Variants in SLC1A3 observed in about 807,000 individuals in gnomAD.
SLC1A3 encodes the protein excitatory amino acid transporter 1.
A neutral mutation model predicts 48.1 loss-of-function variants in SLC1A3; 21 were observed. The ratio of observed to expected loss-of-function variants is 0.44; its 90% confidence interval spans 0.31 to 0.63. The LOEUF is 0.63. Among genes scored for constraint, SLC1A3 ranks in the 20% least tolerant of loss-of-function variants. SLC1A3 has a pLI of 0.08. For missense variants in SLC1A3, 546 were observed against 689.0 expected, an observed-to-expected ratio of 0.79 and a Z score of 2.32; for synonymous variants, 239 against 251.4, an observed-to-expected ratio of 0.95 and a Z score of 0.47.
chr5:36,601,562 C>T (rs988519107), upstream of SLC1A3, among the ~76,000 whole-genome samples: 1 of 152,140 alleles, frequency 6.6e-6, no homozygotes. Flanking sequence ...CTGAACTTGG[C>T]ACTAAGGAAT....
At chr5:36,608,950 T>C (rs905648469) in intron 2 of SLC1A3, 1 of 1,030,646 alleles carries the variant, frequency 9.7e-7, no homozygotes, top group African/African-American at 1.7e-5. Context: ...TGTAATTATA[T>C]ACAATGTCAG....
Position 36,632,800 on chromosome 5 carries a change from A to G in SLC1A3, c.319+3213A>G, listed in dbSNP as rs1051711388. Among the ~76,000 whole-genome samples, 4 of 152,358 alleles carry G rather than the reference A, an allele frequency of 2.6e-5. No individual in the cohort carries two copies. The East Asian group carries it at 7.7e-4, about 29-fold the overall frequency. Reference sequence around the variant, plus strand: ...ATTTAAATTCTGAGACATCTAAGTTATATTTTTTACTTGAAACATCCGTGT... The same window carrying G: ...ATTTAAATTCTGAGACATCTAAGTTGTATTTTTTACTTGAAACATCCGTGT... On this transcript the variant is annotated intron_variant, in intron 3 of 9. Transcript: ENST00000265113.
chr5:36,647,583 T>A (rs917617796), intron 3 of SLC1A3, among the ~76,000 whole-genome samples: 6 of 152,186 alleles, frequency 3.9e-5, no homozygotes, highest in South Asian at 2.1e-4. Context: ...TTTAACCAAT[T>A]TTACTTTGGC....
chr5:36,620,962 G>A (rs1002175202), intron 2 of SLC1A3, among the ~76,000 whole-genome samples: 4 of 151,798 alleles, frequency 2.6e-5, no homozygotes, highest in Non-Finnish European at 5.9e-5. Flanking sequence ...CTGGAGTGCA[G>A]TGGTGCAATC....
intron 2 of SLC1A3, among the ~76,000 whole-genome samples, chr5:36,629,221 C>G (rs1740029768): frequency 6.6e-6 from 1 of 152,072 alleles, no homozygotes; most frequent in African/African-American, 2.4e-5. Context: ...CTTGTTGAAA[C>G]TAGAAAGAGT....
chr5:36,663,380 A>AATT (rs1741595470), intron 3 of SLC1A3, among the ~76,000 whole-genome samples: 2 of 69,338 alleles, frequency 2.9e-5, no homozygotes, highest in Non-Finnish European at 5.2e-5. Flanking sequence ...CACGCCCGGC[A>AATT]TTTTTTTTTT....
intron 2 of SLC1A3, among the ~76,000 whole-genome samples, chr5:36,624,381 C>A (rs1437796404): frequency 6.6e-6 from 1 of 152,182 alleles, no homozygotes; most frequent in Non-Finnish European, 1.5e-5. Context: ...GACCCTGGAG[C>A]TGGACAGTGT....
intron 1 of SLC1A3, among the ~76,000 whole-genome samples, chr5:36,597,478 G>C (rs1361201276): frequency 2.0e-5 from 3 of 151,876 alleles, no homozygotes; most frequent in Admixed American, 1.3e-4. Context: ...TCCTGACCTC[G>C]TGATCTGCCA....
chr5:36,607,058 G>C (rs1431180793), intron 1 of SLC1A3: 1 of 151,630 alleles, frequency 6.6e-6, no homozygotes, highest in Admixed American at 6.6e-5. Flanking sequence ...AAAAAAATCT[G>C]GTCTCTCCTA....
At chr5:36,618,780 A>G (rs1011999393) in intron 2 of SLC1A3, among the ~76,000 whole-genome samples, 2 of 152,240 alleles carry the variant, frequency 1.3e-5, no homozygotes, top group Non-Finnish European at 2.9e-5. Flanking sequence ...CTTGTTCATA[A>G]TAATTTCCTT....
chr5:36,684,139 G>T (rs960408633), intron 9 of SLC1A3, 141 bp downstream of exon 9: 21 of 1,092,188 alleles, frequency 1.9e-5, no homozygotes, highest in African/African-American at 6.2e-5. Flanking sequence ...TGTCCTTATT[G>T]TCTGACCCCT....
chr5:36,680,873 G>T (rs1742415835), intron 8 of SLC1A3, among the ~76,000 whole-genome samples: 1 of 149,542 alleles, frequency 6.7e-6, no homozygotes, highest in East Asian at 2.0e-4. Flanking sequence ...CTGAGATCAT[G>T]CCACTGCACT....
At chr5:36,683,375 A>G (rs1328902834) in intron 8 of SLC1A3, among the ~76,000 whole-genome samples, 1 of 151,774 alleles carries the variant, frequency 6.6e-6, no homozygotes, top group Non-Finnish European at 1.5e-5. Flanking sequence ...CATGATAAAT[A>G]TTAGTTAGCA....
intron 3 of SLC1A3, among the ~76,000 whole-genome samples, chr5:36,655,957 C>T (rs1419049713): frequency 2.0e-5 from 3 of 152,116 alleles, no homozygotes; most frequent in Non-Finnish European, 2.9e-5. Flanking sequence ...CAGAGCTGGA[C>T]GCATGATTGC....
At position 36,663,318 on chromosome 5, in the gene SLC1A3, C is replaced by G. The variant is rs568031595; in HGVS notation, c.320-7711C>G. On this transcript the variant is annotated intron_variant, in intron 3 of 9. Coordinates refer to ENST00000265113, the MANE Select transcript of SLC1A3 (RefSeq NM_004172.5). ...GCAACCTCCGCTTCCCAGGTTCGAG[C>G]AATTCTCCTGCCTCAGCCTCTCGGG... Among the ~76,000 whole-genome samples, 41 of 150,914 alleles carry G rather than the reference C, an allele frequency of 2.7e-4. No homozygotes were observed. The South Asian group carries it at 6.7e-3, about 25-fold the overall frequency.
rs148896855 is a variant in SLC1A3 at position 36,629,463 on chromosome 5, A to T, written c.195A>T (p.Gly65=). 3,085 of 1,591,026 alleles carry T rather than the reference A, an allele frequency of 1.9e-3. 19 individuals are homozygous for T. The East Asian group carries it at 0.02, about 10-fold the overall frequency. The change falls in exon 3 of 10, where the codon GGA becomes GGT. Residue 65 remains glycine, a synonymous_variant. Transcript: ENST00000265113. ...TTTTTCCTTCAGGTACAATCCTTGGATTTACCCTCCGACCATACAGAATGA... is the reference window on the plus strand; with the variant it reads ...TTTTTCCTTCAGGTACAATCCTTGGTTTTACCCTCCGACCATACAGAATGA... ...VTAVIVGTIL[G]FTLRPYRMSY...
At chr5:36,613,437 A>G (rs1005283600) in intron 2 of SLC1A3, 3 of 152,404 alleles carry the variant, frequency 2.0e-5, no homozygotes, top group African/African-American at 4.8e-5. Flanking sequence ...AGGTCAGCCA[A>G]GCAGGTTAAT....
At chr5:36,604,285 A>G (rs1316105352), upstream of SLC1A3, among the ~76,000 whole-genome samples, 1 of 152,094 alleles carries the variant, frequency 6.6e-6, no homozygotes, top group South Asian at 2.1e-4. Flanking sequence ...AATACAGCAT[A>G]CAGAGACTTG....
chr5:36,680,637 G>A (rs374310289), intron 8 of SLC1A3, 48 bp downstream of exon 8: 128 of 1,526,400 alleles, frequency 8.4e-5, no homozygotes, highest in Non-Finnish European at 1.1e-4. Flanking sequence ...TGCCTTTAAG[G>A]CTGGGCGTGG....
Sources: allele counts gnomAD v4.1 joint callset (sites outside exome capture counted in the v4.1 genomes callset), GRCh38; gene constraint gnomAD v4.1.1; transcripts MANE v1.5; gene names NCBI Gene and HGNC (gene_info 2026-07-23, HGNC 2026-07-21).